TXLNB: variants seen among roughly 807,000 people sequenced by gnomAD.
TXLNB encodes beta-taxilin.
TXLNB carries 37 observed loss-of-function variants against 57.4 expected under a neutral mutation model. That is an observed-to-expected ratio of 0.64 (90% CI 0.50 to 0.85). The LOEUF (loss-of-function observed/expected upper bound fraction) is 0.85. Ranked by LOEUF, TXLNB falls within the 40% of genes least tolerant of loss-of-function variation. The pLI, the probability that TXLNB is intolerant of heterozygous loss-of-function variation, is 0.00. For missense variants in TXLNB, 848 were observed against 825.6 expected, an observed-to-expected ratio of 1.03 and a Z score of -0.33; for synonymous variants, 302 against 309.6, an observed-to-expected ratio of 0.98 and a Z score of 0.26.
At chr6:139,316,083 G>A in the TXLNB span, among the ~76,000 whole-genome samples, 13 of 152,174 alleles carry the variant, frequency 8.5e-5, no homozygotes, top group East Asian at 2.3e-3. Flanking sequence ...AGAATATACA[G>A]AGAAGAATGT....
intron 9 of TXLNB, among the ~76,000 whole-genome samples, chr6:139,244,131 G>A (rs1776019064): frequency 6.6e-6 from 1 of 152,132 alleles, no homozygotes; most frequent in Admixed American, 6.6e-5. Context: ...GTCTATTGGA[G>A]GAATTAAAAA....
chr6:139,281,539 C>CTTTTT (rs745650982), intron 2 of TXLNB, among the ~76,000 whole-genome samples: 1 of 57,488 alleles, frequency 1.7e-5, no homozygotes. Context: ...ATCTGGAGTT[C>CTTTTT]TTTTTTTTTT....
intron 1 of TXLNB, among the ~76,000 whole-genome samples, chr6:139,290,542 T>C (rs1307343647): frequency 6.6e-6 from 1 of 152,204 alleles, no homozygotes; most frequent in East Asian, 1.9e-4. Flanking sequence ...TTAATGATTT[T>C]TAAGAAGTAG....
rs754830160 is a variant in TXLNB at position 139,243,208 on chromosome 6, A to AT, written c.1372dup (p.Ile458AsnfsTer8). The AT allele has an allele frequency of 8.7e-6, 14 of 1,613,720 alleles. No individual in the cohort carries two copies. The highest frequency in any genetic ancestry group is 1.1e-5 in the Non-Finnish European group (13 of 1,179,986). On this transcript the variant is annotated frameshift_variant, in exon 10 of 10. Coordinates refer to ENST00000358430, the MANE Select transcript of TXLNB (RefSeq NM_153235.4). LOFTEE classifies it low-confidence loss of function (END_TRUNC). ...CTTTTCAGATATTTCTGCGTCTCTG[A>AT]TTTTTTTGTGGAGTTCGTTTCTCTC...
At chr6:139,225,472 T>C in the TXLNB span, among the ~76,000 whole-genome samples, 12 of 152,276 alleles carry the variant, frequency 7.9e-5, no homozygotes, top group African/African-American at 2.9e-4. Flanking sequence ...GTGGATCTGA[T>C]GAAGTTGCTA....
At chr6:139,321,902 G>A in the TXLNB span, among the ~76,000 whole-genome samples, 1 of 151,870 alleles carries the variant, frequency 6.6e-6, no homozygotes, top group Admixed American at 6.6e-5. Context: ...AAAGTGCTGG[G>A]ATTACAGGCA....
chr6:139,289,334 CT>C (rs35455747), intron 1 of TXLNB, among the ~76,000 whole-genome samples: 36,408 of 152,142 alleles, frequency 0.24, 4,544 homozygotes, highest in South Asian at 0.3. Flanking sequence ...CACGTACCCC[CT>C]GCTTGCTCAA....
rs575575372 is a variant in TXLNB at position 139,242,472 on chromosome 6, G to T, written c.*54C>A. 6 of 1,418,496 alleles carry T rather than the reference G, an allele frequency of 4.2e-6. No individual in the cohort carries two copies. In the East Asian group the frequency reaches 1.5e-4, roughly 36 times the overall value. The allele number at this position is 1,418,496 out of a possible 1,614,324, so 87.9% of individuals were successfully genotyped here. ...TAATGCCTTTTTCGGAAGACAAGCT[G>T]TTATGCTGAATATGCAAAGAGGCAG... On this transcript the variant is annotated 3_prime_UTR_variant, in exon 10 of 10. Coordinates refer to ENST00000358430, the MANE Select transcript of TXLNB (RefSeq NM_153235.4).
the TXLNB span, among the ~76,000 whole-genome samples, chr6:139,162,218 G>C: frequency 1.3e-5 from 2 of 152,146 alleles, no homozygotes; most frequent in Non-Finnish European, 2.9e-5. Context: ...CCATCAGGGA[G>C]GGGAGGAGAA....
Position 139,288,415 on chromosome 6 carries a change from A to G in TXLNB, c.424+61T>C, listed in dbSNP as rs1777225471. 5 of 1,476,130 alleles carry G rather than the reference A, an allele frequency of 3.4e-6. No individual in the cohort carries two copies. In the Admixed American group the frequency reaches 9.5e-5, roughly 28 times the overall value. 91.4% of individuals were successfully genotyped at this position (1,476,130 alleles called of 1,614,324 possible). On this transcript the variant is annotated intron_variant, in intron 2 of 9. Transcript: ENST00000358430. Reference sequence around the variant, plus strand: ...TGTGGCTTTTAGTGAAGTTTGGAAGAAGTGCCCCTTTTTTAGGAATACCAT... The same window carrying G: ...TGTGGCTTTTAGTGAAGTTTGGAAGGAGTGCCCCTTTTTTAGGAATACCAT...
At chr6:139,316,578 C>A in the TXLNB span, among the ~76,000 whole-genome samples, 1 of 152,126 alleles carries the variant, frequency 6.6e-6, no homozygotes, top group South Asian at 2.1e-4. Flanking sequence ...TGCAGTGGTC[C>A]CTAAACATAT....
the TXLNB span, chr6:139,178,937 A>G: frequency 2.0e-5 from 3 of 152,170 alleles, no homozygotes; most frequent in Admixed American, 6.5e-5. Context: ...TAAAGAACCA[A>G]TGTTATTCAC....
the TXLNB span, among the ~76,000 whole-genome samples, chr6:139,205,005 C>T: frequency 0.03 from 4,494 of 152,304 alleles, 94 homozygotes; most frequent in Admixed American, 0.079. Context: ...CCTGCCCTCA[C>T]CTGATGGTAT....
the TXLNB span, among the ~76,000 whole-genome samples, chr6:139,211,404 C>T: frequency 6.6e-6 from 1 of 152,184 alleles, no homozygotes; most frequent in Non-Finnish European, 1.5e-5. Context: ...CTCCAACAGA[C>T]CTGCAGCTGA....
At chr6:139,190,542 C>T in the TXLNB span, among the ~76,000 whole-genome samples, 2 of 152,076 alleles carry the variant, frequency 1.3e-5, no homozygotes, top group Admixed American at 6.6e-5. Flanking sequence ...AACTCCTGAC[C>T]TTGTGATCTG....
chr6:139,164,778 C>G, the TXLNB span, among the ~76,000 whole-genome samples: 1 of 151,966 alleles, frequency 6.6e-6, no homozygotes, highest in Non-Finnish European at 1.5e-5. Context: ...GTAAGCCACA[C>G]TAACCTCCCC....
Position 139,240,572 on chromosome 6 carries a change from G to A in TXLNB, c.*1954C>T, listed in dbSNP as rs1057023303. 2 of 152,628 alleles carry A rather than the reference G, an allele frequency of 1.3e-5. No individual in the cohort carries two copies. The highest frequency in any genetic ancestry group is 1.3e-4 in the Admixed American group (2 of 15,290). 9.5% of individuals were successfully genotyped at this position (152,628 alleles called of 1,614,324 possible). A position where few individuals can be genotyped will look rare whatever the true frequency, so the allele number is the denominator to read the frequency against. On this transcript the variant is annotated 3_prime_UTR_variant, in exon 10 of 10. Coordinates refer to ENST00000358430, the MANE Select transcript of TXLNB (RefSeq NM_153235.4). ...TGCAGTGGGGAAGGAGACCCTCCTG[G>A]ATTATGGTGAATATTTAGCTCTGAA...
chr6:139,204,765 T>C, the TXLNB span, among the ~76,000 whole-genome samples: 2 of 152,138 alleles, frequency 1.3e-5, no homozygotes, highest in Non-Finnish European at 2.9e-5. Flanking sequence ...CCCAGCACTG[T>C]TAGCAGGGCA....
At chr6:139,205,754 C>G in the TXLNB span, among the ~76,000 whole-genome samples, 1 of 152,014 alleles carries the variant, frequency 6.6e-6, no homozygotes, top group African/African-American at 2.4e-5. Flanking sequence ...TTTGGAAAAC[C>G]TATTTGAGGG....
Sources: gnomAD v4.1 joint callset for allele counts (sites outside exome capture counted in the v4.1 genomes callset) on GRCh38, gnomAD v4.1.1 for gene constraint, MANE v1.5 for transcripts, NCBI Gene and HGNC (gene_info 2026-07-23, HGNC 2026-07-21) for gene names.